DNAH3: variants seen among roughly 807,000 people sequenced by gnomAD.
The protein encoded by DNAH3 is axonemal beta dynein heavy chain 3.
Under a neutral mutation model 432.5 loss-of-function variants are expected in DNAH3, and 332 were observed. That is an observed-to-expected ratio of 0.77 (90% CI 0.70 to 0.84). The LOEUF is 0.84. Among genes scored for constraint, DNAH3 ranks in the 40% least tolerant of loss-of-function variants. The pLI is 0.00. For synonymous variants in DNAH3, 1,956 were observed against 1,900.2 expected (o/e 1.03, Z -0.76); for missense variants, 4,861 against 5,114.0 (o/e 0.95, Z 1.51).
At chr16:21,158,494 AG>A (rs2092915287) in intron 1 of DNAH3, 1 of 152,392 alleles carries the variant, frequency 6.6e-6, no homozygotes, top group African/African-American at 2.4e-5. Flanking sequence ...TGGCTCCGAA[AG>A]CCAGTGGGAG....
chr16:21,082,258 A>G (rs1259678789), intron 19 of DNAH3, among the ~76,000 whole-genome samples: 1 of 151,936 alleles, frequency 6.6e-6, no homozygotes, highest in Non-Finnish European at 1.5e-5. Flanking sequence ...TGGTGTGATC[A>G]TGACTCACTG....
intron 41 of DNAH3, among the ~76,000 whole-genome samples, chr16:21,011,079 A>T (rs1361475629): frequency 2.0e-5 from 3 of 152,064 alleles, no homozygotes; most frequent in Non-Finnish European, 1.5e-5. Flanking sequence ...AGATATTATA[A>T]GGGAAAATTA....
At chr16:21,022,867 C>T (rs1030348446) in intron 39 of DNAH3, among the ~76,000 whole-genome samples, 1 of 151,934 alleles carries the variant, frequency 6.6e-6, no homozygotes, top group Non-Finnish European at 1.5e-5. Context: ...CTGCCTCAGA[C>T]TCCCTGAGTA....
chr16:20,964,889 C>G, exon 53 of DNAH3: 1 of 1,614,182 alleles, frequency 6.2e-7, no homozygotes. Context: ...GACAGCAACA[C>G]GTCACCAGTC....
intron 50 of DNAH3, 56 bp downstream of exon 50, chr16:20,979,274 G>T: frequency 6.4e-7 from 1 of 1,551,192 alleles, no homozygotes; most frequent in Non-Finnish European, 8.9e-7. Context: ...ACATGCCTCG[G>T]CACATCCACC....
At chr16:20,963,900 G>T (rs764494492) in exon 53 of DNAH3, 1 of 1,614,170 alleles carries the variant, frequency 6.2e-7, no homozygotes, top group South Asian at 1.1e-5. Flanking sequence ...AATGCATGTA[G>T]AGATTTATGA....
chr16:21,074,475 A>G (rs368458902), intron 21 of DNAH3, among the ~76,000 whole-genome samples: 17 of 152,252 alleles, frequency 1.1e-4, no homozygotes, highest in African/African-American at 3.9e-4. Flanking sequence ...GCAATTTGGG[A>G]GGCGGAGGTG....
intron 8 of DNAH3, among the ~76,000 whole-genome samples, chr16:21,125,614 T>C (rs2092432707): frequency 6.6e-6 from 1 of 152,230 alleles, no homozygotes; most frequent in Non-Finnish European, 1.5e-5. Context: ...AAGGGGATAT[T>C]GGTGGCACAT....
At chr16:21,087,164 T>C (rs907906119) in intron 18 of DNAH3, 104 bp from the exon 19 acceptor site, 26 of 930,626 alleles carry the variant, frequency 2.8e-5, no homozygotes, top group Admixed American at 7.5e-5. Flanking sequence ...CGTTTGGAGA[T>C]TGGAACACAT....
At chr16:20,961,515 AAAAATAAAAT>A (rs71151604) in intron 53 of DNAH3, among the ~76,000 whole-genome samples, 10,606 of 148,716 alleles carry the variant, frequency 0.071, 509 homozygotes, top group East Asian at 0.17. Flanking sequence ...AAATGAATAA[AAAAATAAAAT>A]AAAATAAAAT....
chr16:21,121,111 T>C (rs568869977), intron 10 of DNAH3: 350 of 588,152 alleles, frequency 6.0e-4, no homozygotes, highest in Non-Finnish European at 9.8e-4. Context: ...ATGGAGAGAG[T>C]GAGAAGGTGG....
intron 20 of DNAH3, among the ~76,000 whole-genome samples, chr16:21,077,562 T>C (rs1006724575): frequency 1.3e-5 from 2 of 152,136 alleles, no homozygotes; most frequent in East Asian, 1.9e-4. Flanking sequence ...CACCTACTAT[T>C]TTCCTGATAC....
chr16:21,015,412 T>A (rs1006427047), intron 41 of DNAH3, among the ~76,000 whole-genome samples: 2 of 152,062 alleles, frequency 1.3e-5, no homozygotes, highest in African/African-American at 4.8e-5. Flanking sequence ...GAAGGGAGGA[T>A]GAAGAGGTGG....
At chr16:21,108,137 G>C (rs1276251733) in intron 14 of DNAH3, among the ~76,000 whole-genome samples, 1 of 152,170 alleles carries the variant, frequency 6.6e-6, no homozygotes, top group African/African-American at 2.4e-5. Flanking sequence ...CTCCCAAAGT[G>C]CTGGGATTAC....
At chr16:21,154,132 G>A (rs936485069) in intron 1 of DNAH3, among the ~76,000 whole-genome samples, 4 of 152,222 alleles carry the variant, frequency 2.6e-5, no homozygotes, top group Non-Finnish European at 4.4e-5. Flanking sequence ...GGCCAGGCGC[G>A]GTGGCCCATG....
At chr16:21,098,576 C>CA (rs763386078) in intron 17 of DNAH3, 40 bp downstream of exon 17, 2 of 1,584,164 alleles carry the variant, frequency 1.3e-6, no homozygotes, top group Admixed American at 3.6e-5. Context: ...AACCAATAGA[C>CA]CAGTACAGTG....
chr16:21,039,969 T>C (rs1464722711), intron 32 of DNAH3, 26 bp from the exon 33 acceptor site: 1 of 1,575,948 alleles, frequency 6.3e-7, no homozygotes, highest in South Asian at 1.1e-5. Flanking sequence ...CAAATCAGAA[T>C]CGGAACACGT....
At chr16:21,152,924 G>C (rs1339063468) in intron 1 of DNAH3, among the ~76,000 whole-genome samples, 1 of 152,158 alleles carries the variant, frequency 6.6e-6, no homozygotes, top group South Asian at 2.1e-4. Flanking sequence ...CCCGACGAGC[G>C]CCACCCCCTG....
chr16:20,984,964 T>G, intron 48 of DNAH3, 85 bp downstream of exon 48: 1 of 1,162,254 alleles, frequency 8.6e-7, no homozygotes, highest in Non-Finnish European at 1.2e-6. Context: ...CTGGGACCAT[T>G]GTAAGGGATT....
Sources: allele counts gnomAD v4.1 joint callset (sites outside exome capture counted in the v4.1 genomes callset), GRCh38; gene constraint gnomAD v4.1.1; transcripts MANE v1.5; gene names NCBI Gene and HGNC (gene_info 2026-07-23, HGNC 2026-07-21).